The following SMC5 variants were observed in gnomAD, a reference collection of about 807,000 sequenced individuals.
The protein encoded by SMC5 is structural maintenance of chromosomes protein 5.
SMC5 carries 88 observed loss-of-function variants against 148.3 expected under a neutral mutation model. That is an observed-to-expected ratio of 0.59 (90% CI 0.50 to 0.71). The LOEUF (loss-of-function observed/expected upper bound fraction) is 0.71. Ranked by LOEUF, SMC5 falls within the 30% of genes least tolerant of loss-of-function variation. The pLI is 0.00. For synonymous variants in SMC5, 421 were observed against 432.8 expected (o/e 0.97, Z 0.34); for missense variants, 1,142 against 1,298.9 (o/e 0.88, Z 1.86).
Position 70,339,407 on chromosome 9 carries a change from C to A in SMC5, c.2398-4737C>A, listed in dbSNP as rs1033472563. On this transcript the variant is annotated intron_variant, in intron 17 of 24. Coordinates refer to ENST00000361138, the MANE Select transcript of SMC5 (RefSeq NM_015110.4). ...TCACACCACTGCACTCCAGCCTGGGCGACAGAGCGAGACTCCGTCTCAAAA... is the reference window on the plus strand; with the variant it reads ...TCACACCACTGCACTCCAGCCTGGGAGACAGAGCGAGACTCCGTCTCAAAA... 2.0e-5 allele frequency among the ~76,000 whole-genome samples: 3 copies of A among 147,014 alleles called. No individual in the cohort carries two copies. In the South Asian group the frequency reaches 6.4e-4, roughly 31 times the overall value.
At position 70,353,892 on chromosome 9, in the gene SMC5, T is replaced by C. The variant is rs756391221; in HGVS notation, c.*1561T>C. ...AATTACTTTGCGTTCCACCAAAATA[T>C]CTTTACTAAAATGTGCTTGGTGTAG... On this transcript the variant is annotated 3_prime_UTR_variant, in exon 25 of 25. Transcript: ENST00000361138. The C allele has an allele frequency of 6.6e-6, 1 of 152,254 alleles. No individual in the cohort carries two copies. Among genetic ancestry groups the C allele is most frequent in the Non-Finnish European group, 1.5e-5 (1 of 68,044 alleles). 9.4% of individuals were successfully genotyped at this position (152,254 alleles called of 1,614,324 possible).
intron 1 of SMC5, among the ~76,000 whole-genome samples, chr9:70,262,545 C>T (rs1456706716): frequency 6.6e-6 from 1 of 152,068 alleles, no homozygotes; most frequent in African/African-American, 2.4e-5. Flanking sequence ...ATGATAATAC[C>T]ATTCACTAAG....
chr9:70,279,204 C>G (rs1237805711), intron 5 of SMC5, among the ~76,000 whole-genome samples: 3 of 152,108 alleles, frequency 2.0e-5, no homozygotes, highest in Admixed American at 2.0e-4. Flanking sequence ...AAAATAAATA[C>G]AGTAAATTTT....
chr9:70,331,830 A>G (rs984250858), intron 17 of SMC5, among the ~76,000 whole-genome samples: 8 of 152,294 alleles, frequency 5.3e-5, no homozygotes, highest in Middle Eastern at 3.4e-3. Context: ...AGTATGTCAA[A>G]TAGAGGTTTT....
chr9:70,286,170 T>TGGGGG, intron 7 of SMC5, 30 bp from the exon 8 acceptor site: 2 of 1,397,198 alleles, frequency 1.4e-6, no homozygotes, highest in Admixed American at 1.8e-5. Context: ...TAACTAGCTG[T>TGGGGG]CCCCCCCTCT....
At chr9:70,315,001 G>T (rs1473493011) in intron 12 of SMC5, among the ~76,000 whole-genome samples, 165 bp downstream of exon 12, 1 of 152,036 alleles carries the variant, frequency 6.6e-6, no homozygotes, top group Non-Finnish European at 1.5e-5. Flanking sequence ...CACACAGTGA[G>T]TGTGATGCGA....
At chr9:70,263,957 G>A (rs570676274) in intron 1 of SMC5, among the ~76,000 whole-genome samples, 199 of 152,234 alleles carry the variant, frequency 1.3e-3, no homozygotes, top group African/African-American at 4.5e-3. Flanking sequence ...AAGGTAAGCC[G>A]TGGCGTCTCC....
At chr9:70,319,043 C>A (rs1020582061) in intron 15 of SMC5, 80 bp downstream of exon 15, 55 of 1,172,620 alleles carry the variant, frequency 4.7e-5, no homozygotes, top group Non-Finnish European at 6.1e-5. Context: ...ATAACAACAG[C>A]ATTTCCACAA....
At chr9:70,302,570 T>A (rs1165406398) in intron 10 of SMC5, among the ~76,000 whole-genome samples, 1 of 151,934 alleles carries the variant, frequency 6.6e-6, no homozygotes, top group Non-Finnish European at 1.5e-5. Flanking sequence ...ACTGGGAGGC[T>A]GAGGCTGGAG....
intron 8 of SMC5, among the ~76,000 whole-genome samples, chr9:70,296,487 A>G (rs897379879): frequency 6.6e-6 from 1 of 151,566 alleles, no homozygotes; most frequent in Admixed American, 6.6e-5. Context: ...ACTTGAACCC[A>G]GGTTGCAGTG....
In SMC5 at chr9:70,283,108, C is replaced by T. The variant is rs562909548; in HGVS notation, c.981+525C>T. Among the ~76,000 whole-genome samples the T allele has an allele frequency of 2.5e-4, 38 of 152,242 alleles. No individual in the cohort carries two copies. In the South Asian group the frequency reaches 4.1e-3, roughly 17 times the overall value. On this transcript the variant is annotated intron_variant, in intron 7 of 24. Transcript: ENST00000361138. ...AACGCAGTATAGGCAGATCCAAAAT[C>T]GTGCATGAGATTTTGGAGATTCATG... is the stretch of plus-strand genomic sequence containing the variant.
At position 70,278,619 on chromosome 9, in the gene SMC5, G is replaced by T. The variant is rs377310638; in HGVS notation, c.672G>T (p.Gln224His). The change falls in exon 5 of 25, where the codon CAG (glutamine) becomes CAT (histidine). Residue 224 changes from glutamine to histidine, a missense_variant. Physicochemically the swap from Gln to His is conservative, Grantham distance 24. Coordinates refer to ENST00000361138, the MANE Select transcript of SMC5 (RefSeq NM_015110.4). ...AAAACTTAAGGGAGAAAGAAAAACA[G>T]CTCGAGGTACTTTAAATAGACAACT... is the stretch of plus-strand genomic sequence containing the variant. ...ELKNLREKEK[Q>H]LETSCKEKTE... The T allele has an allele frequency of 6.3e-7, 1 of 1,598,800 alleles. No homozygotes were observed.
At chr9:70,278,876 A>G (rs2034669933) in intron 5 of SMC5, among the ~76,000 whole-genome samples, 1 of 152,158 alleles carries the variant, frequency 6.6e-6, no homozygotes, top group Non-Finnish European at 1.5e-5. Flanking sequence ...CAGTAACAGT[A>G]TTATAAAAAA....
intron 1 of SMC5, among the ~76,000 whole-genome samples, chr9:70,263,092 A>G (rs1420124695): frequency 1.3e-5 from 2 of 152,150 alleles, no homozygotes; most frequent in Non-Finnish European, 2.9e-5. Flanking sequence ...TCATCGTTTT[A>G]GTATAACATT....
intron 3 of SMC5, among the ~76,000 whole-genome samples, chr9:70,276,601 G>A (rs781744948): frequency 7.9e-5 from 12 of 152,110 alleles, no homozygotes; most frequent in Non-Finnish European, 1.6e-4. Flanking sequence ...ACATTCATAA[G>A]TTATTATTGT....
chr9:70,303,228 A>C (rs561722725), intron 10 of SMC5, among the ~76,000 whole-genome samples: 2 of 151,916 alleles, frequency 1.3e-5, no homozygotes, highest in African/African-American at 4.8e-5. Context: ...ACCCTGTCTC[A>C]AAAAATAGAA....
intron 5 of SMC5, 80 bp from the exon 6 acceptor site, chr9:70,280,679 G>A (rs1156517677): frequency 1.7e-5 from 24 of 1,372,148 alleles, no homozygotes; most frequent in Admixed American, 4.5e-5. Context: ...TTTTGCCATC[G>A]TTTATTTTTC....
intron 8 of SMC5, among the ~76,000 whole-genome samples, chr9:70,289,601 T>C (rs954247587): frequency 2.0e-5 from 3 of 152,100 alleles, no homozygotes; most frequent in Non-Finnish European, 2.9e-5. Flanking sequence ...TTTCTACTTA[T>C]TATACTTTTT....
At chr9:70,331,799 T>C (rs998689322) in intron 17 of SMC5, among the ~76,000 whole-genome samples, 4 of 152,196 alleles carry the variant, frequency 2.6e-5, no homozygotes, top group Non-Finnish European at 5.9e-5. Context: ...ACTGTCTCAC[T>C]GGAAACCACT....
Sources: allele counts gnomAD v4.1 joint callset (sites outside exome capture counted in the v4.1 genomes callset), GRCh38; gene constraint gnomAD v4.1.1; transcripts MANE v1.5; gene names NCBI Gene and HGNC (gene_info 2026-07-23, HGNC 2026-07-21).